DLGAP1: variants seen among roughly 807,000 people sequenced by gnomAD.
DLGAP1 encodes the protein disks large-associated protein 1.
A neutral mutation model predicts 90.8 loss-of-function variants in DLGAP1; 11 were observed. That is an observed-to-expected ratio of 0.12 (90% confidence interval 0.08 to 0.20). The LOEUF is 0.20. DLGAP1 is among the 10% of genes least tolerant of loss of function. DLGAP1 has a pLI of 1.00. For synonymous variants in DLGAP1, 558 were observed against 540.7 expected (o/e 1.03, Z -0.44); for missense variants, 1,050 against 1,333.8 (o/e 0.79, Z 3.31).
intron 4 of DLGAP1, among the ~76,000 whole-genome samples, chr18:3,872,761 T>C (rs138144639): frequency 6.3e-4 from 96 of 152,316 alleles, no homozygotes; most frequent in African/African-American, 2.2e-3. Context: ...TCTTAAAGAA[T>C]GGTGAATGAT....
intron 1 of DLGAP1, among the ~76,000 whole-genome samples, chr18:4,380,518 G>A (rs2082092910): frequency 6.6e-6 from 1 of 152,086 alleles, no homozygotes; most frequent in Admixed American, 6.6e-5. Context: ...TACTATAGAT[G>A]ATCTATGTGA....
rs35192992 is a variant in DLGAP1 at position 3,959,669 on chromosome 18, A to AAAAG, written c.-73+45443_-73+45446dup. Among the ~76,000 whole-genome samples the AAAAG allele has an allele frequency of 5.0e-3, 753 of 149,318 alleles. 6 individuals are homozygous for AAAAG. The highest frequency in any genetic ancestry group is 0.012 in the African/African-American group (485 of 40,070). On this transcript the variant is annotated intron_variant, in intron 3 of 12. Transcript: ENST00000315677. ...ACAGAGCGAGACTCTGTCTCAAAAA[A>AAAAG]AAAGAAAGAAAGAAAGAAAGAAAGA...
At chr18:3,961,925 T>C (rs1369622505) in intron 3 of DLGAP1, among the ~76,000 whole-genome samples, 2 of 152,194 alleles carry the variant, frequency 1.3e-5, no homozygotes, top group African/African-American at 4.8e-5. Flanking sequence ...CAGGGAGGAC[T>C]GGATGCAGGA....
intron 1 of DLGAP1, among the ~76,000 whole-genome samples, chr18:4,208,579 G>A (rs1450553247): frequency 1.3e-5 from 2 of 152,208 alleles, no homozygotes; most frequent in Non-Finnish European, 2.9e-5. Flanking sequence ...GTGGGAAGAT[G>A]CTGACTGTAG....
intron 1 of DLGAP1, among the ~76,000 whole-genome samples, chr18:4,328,822 T>A (rs1233251805): frequency 6.6e-6 from 1 of 152,122 alleles, no homozygotes; most frequent in African/African-American, 2.4e-5. Flanking sequence ...TAGGTACTTA[T>A]TTGGCATTCA....
chr18:4,192,889 CAA>C (rs1268201715), intron 1 of DLGAP1, among the ~76,000 whole-genome samples: 1 of 152,036 alleles, frequency 6.6e-6, no homozygotes, highest in Non-Finnish European at 1.5e-5. Context: ...GGAAGAGAGG[CAA>C]AGACAGGAAT....
chr18:4,377,138 A>T (rs2082030284), intron 1 of DLGAP1, among the ~76,000 whole-genome samples: 1 of 152,108 alleles, frequency 6.6e-6, no homozygotes, highest in South Asian at 2.1e-4. Context: ...ATTCTCACAC[A>T]CACACATACA....
chr18:3,835,139 A>G (rs895959733), intron 4 of DLGAP1, among the ~76,000 whole-genome samples: 1 of 152,246 alleles, frequency 6.6e-6, no homozygotes, highest in African/African-American at 2.4e-5. Flanking sequence ...ATTTTCAATG[A>G]GATAAAATAG....
chr18:3,501,795 C>T (rs1025551299), intron 12 of DLGAP1, among the ~76,000 whole-genome samples: 1 of 151,838 alleles, frequency 6.6e-6, no homozygotes, highest in Non-Finnish European at 1.5e-5. Flanking sequence ...CATTGGATAC[C>T]CGTGTGAGCC....
chr18:3,991,531 G>T (rs1160362066), intron 3 of DLGAP1, among the ~76,000 whole-genome samples: 1 of 152,190 alleles, frequency 6.6e-6, no homozygotes, highest in Non-Finnish European at 1.5e-5. Context: ...TGGCCAGTGT[G>T]CCTGGATGAC....
At chr18:4,221,597 C>T (rs541445131) in intron 1 of DLGAP1, among the ~76,000 whole-genome samples, 10 of 152,288 alleles carry the variant, frequency 6.6e-5, no homozygotes, top group Admixed American at 4.6e-4. Context: ...CTGCTTCACC[C>T]TGGTCCTGGA....
intron 3 of DLGAP1, chr18:3,896,364 G>A (rs954684675): frequency 2.6e-5 from 4 of 152,144 alleles, no homozygotes; most frequent in East Asian, 1.9e-4. Context: ...CATCTCCACC[G>A]TCTTTTAGAC....
At chr18:3,671,148 A>T (rs1028802410) in intron 7 of DLGAP1, among the ~76,000 whole-genome samples, 3 of 144,378 alleles carry the variant, frequency 2.1e-5, no homozygotes, top group Non-Finnish European at 3.0e-5. Context: ...TCAAAATTTT[A>T]TATTCATTCC....
intron 1 of DLGAP1, among the ~76,000 whole-genome samples, chr18:4,391,648 T>C (rs1427186053): frequency 6.6e-6 from 1 of 152,112 alleles, no homozygotes; most frequent in Non-Finnish European, 1.5e-5. Context: ...AATAACCTGG[T>C]CCTTCCTAGA....
At chr18:4,101,306 T>TG (rs764549520) in intron 2 of DLGAP1, among the ~76,000 whole-genome samples, 1 of 151,996 alleles carries the variant, frequency 6.6e-6, no homozygotes, top group Non-Finnish European at 1.5e-5. Context: ...AGAAGAGGCA[T>TG]GAGAATAGCT....
At chr18:4,099,702 C>CT (rs59311920) in intron 2 of DLGAP1, among the ~76,000 whole-genome samples, 1,638 of 133,834 alleles carry the variant, frequency 0.012, 27 homozygotes, top group African/African-American at 0.034. Flanking sequence ...TCTTTTTTTA[C>CT]TTTTTTTTTT....
chr18:4,233,567 T>G (rs2078342884), intron 1 of DLGAP1, among the ~76,000 whole-genome samples: 1 of 152,184 alleles, frequency 6.6e-6, no homozygotes, highest in South Asian at 2.1e-4. Context: ...TGTTGTATGC[T>G]GGCTCTCTCT....
intron 2 of DLGAP1, among the ~76,000 whole-genome samples, chr18:4,034,638 C>T (rs577029281): frequency 3.3e-5 from 5 of 152,222 alleles, no homozygotes; most frequent in African/African-American, 1.2e-4. Flanking sequence ...AAGTTGGTCA[C>T]CTTTCTGGAA....
chr18:4,222,164 T>C (rs1432934637), intron 1 of DLGAP1, among the ~76,000 whole-genome samples: 1 of 152,198 alleles, frequency 6.6e-6, no homozygotes, highest in Non-Finnish European at 1.5e-5. Flanking sequence ...TTCAAACATA[T>C]GCTTTCAGTC....
Sources: gnomAD v4.1 joint callset for allele counts (sites outside exome capture counted in the v4.1 genomes callset) on GRCh38, gnomAD v4.1.1 for gene constraint, MANE v1.5 for transcripts, NCBI Gene and HGNC (gene_info 2026-07-23, HGNC 2026-07-21) for gene names.